Variants in NELL1 observed in about 807,000 individuals in gnomAD.
The protein encoded by NELL1 is protein kinase C-binding protein NELL1.
NELL1 carries 76 observed loss-of-function variants against 107.4 expected under a neutral mutation model. That is an observed-to-expected ratio of 0.71 (90% CI 0.59 to 0.86). NELL1 has a LOEUF of 0.86. Among genes scored for constraint, NELL1 ranks in the 40% least tolerant of loss-of-function variants. NELL1 has a pLI of 0.00. For missense variants in NELL1, 1,024 were observed against 1,005.5 expected, an observed-to-expected ratio of 1.02 and a Z score of -0.25; for synonymous variants, 353 against 341.2, an observed-to-expected ratio of 1.03 and a Z score of -0.38.
chr11:20,818,278 A>G (rs1181143883), intron 3 of NELL1, among the ~76,000 whole-genome samples: 1 of 152,048 alleles, frequency 6.6e-6, no homozygotes, highest in African/African-American at 2.4e-5. Flanking sequence ...TTGGGTGCAT[A>G]TCTATTTATT....
At chr11:21,419,868 T>C (rs974139882) in intron 15 of NELL1, among the ~76,000 whole-genome samples, 3 of 152,172 alleles carry the variant, frequency 2.0e-5, no homozygotes, top group African/African-American at 7.2e-5. Flanking sequence ...TCCTGATACT[T>C]ATACAAAGCT....
intron 2 of NELL1, among the ~76,000 whole-genome samples, chr11:20,726,490 A>C (rs951618082): frequency 6.6e-6 from 1 of 152,098 alleles, no homozygotes; most frequent in African/African-American, 2.4e-5. Context: ...AGTTTTGCAT[A>C]GTATTGAACT....
chr11:21,227,860 G>A (rs1374750638), intron 13 of NELL1, among the ~76,000 whole-genome samples: 1 of 152,052 alleles, frequency 6.6e-6, no homozygotes. Flanking sequence ...TACCTCTGTT[G>A]TGTGTGTGTG....
At chr11:20,693,382 C>G (rs957138902) in intron 2 of NELL1, among the ~76,000 whole-genome samples, 7 of 151,900 alleles carry the variant, frequency 4.6e-5, no homozygotes, top group South Asian at 2.1e-4. Context: ...TTCCTAGTCT[C>G]GATGGTCTTT....
At chr11:20,853,571 A>G (rs142788669) in intron 4 of NELL1, among the ~76,000 whole-genome samples, 1 of 152,286 alleles carries the variant, frequency 6.6e-6, no homozygotes, top group East Asian at 1.9e-4. Context: ...TGAAAATGTT[A>G]AGCTTCTGTA....
intron 16 of NELL1, among the ~76,000 whole-genome samples, chr11:21,548,696 C>T (rs574554441): frequency 6.6e-6 from 1 of 151,744 alleles, no homozygotes; most frequent in South Asian, 2.1e-4. Flanking sequence ...ACCATCTAGT[C>T]TTTGCATAAG....
intron 12 of NELL1, among the ~76,000 whole-genome samples, chr11:20,987,885 C>T (rs549675365): frequency 1.8e-4 from 27 of 152,178 alleles, no homozygotes; most frequent in African/African-American, 6.5e-4. Flanking sequence ...AAATTCTTAC[C>T]TTCTTCAGCT....
At chr11:21,417,802 C>T (rs569947258) in intron 15 of NELL1, among the ~76,000 whole-genome samples, 1 of 152,124 alleles carries the variant, frequency 6.6e-6, no homozygotes, top group East Asian at 1.9e-4. Context: ...GTGGGTCCTA[C>T]TTCACTCCCT....
Position 21,017,317 on chromosome 11 carries a change from G to A in NELL1, c.1300+56757G>A, listed in dbSNP as rs183479480. On this transcript the variant is annotated intron_variant, in intron 12 of 19. Coordinates refer to ENST00000357134, the MANE Select transcript of NELL1 (RefSeq NM_006157.5). ...GTTTGCTGCTGTAGCTCTAAACAGT[G>A]GTAGAAGCTTCCTGGAGATTCTTAA... 7.9e-5 allele frequency among the ~76,000 whole-genome samples: 12 copies of A among 152,138 alleles called. No individual in the cohort carries two copies. In the East Asian group the frequency reaches 2.1e-3, roughly 27 times the overall value.
intron 13 of NELL1, among the ~76,000 whole-genome samples, chr11:21,209,725 A>G (rs1176235398): frequency 6.6e-6 from 1 of 152,150 alleles, no homozygotes; most frequent in African/African-American, 2.4e-5. Context: ...ACTGTGGTCC[A>G]ATGTTTCAAG....
At chr11:21,301,668 G>A (rs1000708258) in intron 14 of NELL1, among the ~76,000 whole-genome samples, 1 of 152,048 alleles carries the variant, frequency 6.6e-6, no homozygotes, top group African/African-American at 2.4e-5. Context: ...TGGGTAGATT[G>A]TAAAAATTTT....
At chr11:21,007,733 AT>A (rs2134282313) in intron 12 of NELL1, among the ~76,000 whole-genome samples, 1 of 152,148 alleles carries the variant, frequency 6.6e-6, no homozygotes, top group Admixed American at 6.6e-5. Flanking sequence ...ACAGTGAGTA[AT>A]TTTAACACAT....
At chr11:21,156,381 G>C (rs949852873) in intron 13 of NELL1, among the ~76,000 whole-genome samples, 2 of 152,182 alleles carry the variant, frequency 1.3e-5, no homozygotes, top group Non-Finnish European at 2.9e-5. Flanking sequence ...CTGGGCTTTG[G>C]CTGGGCAAAG....
chr11:20,914,849 A>G (rs1850210705), intron 5 of NELL1, among the ~76,000 whole-genome samples: 1 of 152,046 alleles, frequency 6.6e-6, no homozygotes, highest in African/African-American at 2.4e-5. Flanking sequence ...AGTAGTTCTT[A>G]TGGAAAGTAT....
intron 12 of NELL1, among the ~76,000 whole-genome samples, chr11:20,987,599 C>G (rs148224501): frequency 6.6e-6 from 1 of 152,114 alleles, no homozygotes; most frequent in Non-Finnish European, 1.5e-5. Flanking sequence ...CTCACTATCA[C>G]GAGAACAGCA....
At chr11:21,231,108 C>T (rs915236251) in intron 14 of NELL1, among the ~76,000 whole-genome samples, 3 of 152,072 alleles carry the variant, frequency 2.0e-5, no homozygotes, top group African/African-American at 7.2e-5. Context: ...CACACACAAA[C>T]ACATACATAC....
intron 11 of NELL1, among the ~76,000 whole-genome samples, chr11:20,957,312 G>A (rs1851195578): frequency 6.6e-6 from 1 of 152,192 alleles, no homozygotes; most frequent in Non-Finnish European, 1.5e-5. Flanking sequence ...CTTAGGGCTA[G>A]ACTTTATTCC....
At chr11:20,809,632 C>T (rs1048053571) in intron 3 of NELL1, among the ~76,000 whole-genome samples, 1 of 152,170 alleles carries the variant, frequency 6.6e-6, no homozygotes, top group East Asian at 1.9e-4. Flanking sequence ...GTATTTGTCT[C>T]TGTCTACCAG....
At chr11:20,907,050 C>T (rs1242318240) in intron 5 of NELL1, among the ~76,000 whole-genome samples, 1 of 151,940 alleles carries the variant, frequency 6.6e-6, no homozygotes, top group Non-Finnish European at 1.5e-5. Context: ...ACTATCTCTA[C>T]TCACAGATGC....
Sources: gnomAD v4.1 joint callset for allele counts (sites outside exome capture counted in the v4.1 genomes callset) on GRCh38, gnomAD v4.1.1 for gene constraint, MANE v1.5 for transcripts, NCBI Gene and HGNC (gene_info 2026-07-23, HGNC 2026-07-21) for gene names.